INPP4B: variants seen among roughly 807,000 people sequenced by gnomAD.
INPP4B encodes inositol polyphosphate 4-phosphatase type II.
Under a neutral mutation model 122.5 loss-of-function variants are expected in INPP4B, and 55 were observed. That is an observed-to-expected ratio of 0.45 (90% confidence interval 0.36 to 0.56). The LOEUF (loss-of-function observed/expected upper bound fraction) is 0.56. Ranked by LOEUF, INPP4B falls within the 20% of genes least tolerant of loss-of-function variation. The pLI is 0.00. For synonymous variants in INPP4B, 403 were observed against 388.7 expected, an observed-to-expected ratio of 1.04 and a Z score of -0.43; for missense variants, 1,000 against 1,097.7, an observed-to-expected ratio of 0.91 and a Z score of 1.26.
chr4:142,646,795 A>G (rs1299264644), intron 2 of INPP4B, among the ~76,000 whole-genome samples: 1 of 152,250 alleles, frequency 6.6e-6, no homozygotes. Context: ...AAACCAGGAC[A>G]GAGTGCTCCA....
At chr4:142,571,588 A>G (rs756247189) in intron 2 of INPP4B, among the ~76,000 whole-genome samples, 1 of 152,174 alleles carries the variant, frequency 6.6e-6, no homozygotes, top group Admixed American at 6.6e-5. Flanking sequence ...AAATTCTTGC[A>G]TAAGCAGCAT....
chr4:142,818,987 A>G (rs1780477099), intron 1 of INPP4B, among the ~76,000 whole-genome samples: 2 of 152,144 alleles, frequency 1.3e-5, no homozygotes, highest in South Asian at 4.1e-4. Context: ...CCAGCACCAA[A>G]AGAGCAGTTG....
intron 2 of INPP4B, among the ~76,000 whole-genome samples, chr4:142,634,007 C>T (rs1431336495): frequency 6.7e-6 from 1 of 150,070 alleles, no homozygotes; most frequent in Non-Finnish European, 1.5e-5. Context: ...GCCTGACCAA[C>T]AGAGTAAGAC....
chr4:142,195,227 A>G (rs1446219709), intron 14 of INPP4B, among the ~76,000 whole-genome samples: 1 of 152,208 alleles, frequency 6.6e-6, no homozygotes, highest in Non-Finnish European at 1.5e-5. Flanking sequence ...TGAGGTTTTC[A>G]AAATAGTCAA....
intron 2 of INPP4B, among the ~76,000 whole-genome samples, chr4:142,713,444 A>C (rs1299816227): frequency 6.6e-6 from 1 of 152,238 alleles, no homozygotes; most frequent in East Asian, 1.9e-4. Flanking sequence ...GAGGAGTTCT[A>C]TTGGAATGAG....
intron 1 of INPP4B, among the ~76,000 whole-genome samples, chr4:142,754,517 T>C (rs533204466): frequency 1.6e-4 from 24 of 152,176 alleles, no homozygotes; most frequent in African/African-American, 5.8e-4. Flanking sequence ...ATCCAGTCTT[T>C]AAAAATTCTT....
At chr4:142,576,532 A>G (rs992971394) in intron 2 of INPP4B, among the ~76,000 whole-genome samples, 58 of 152,046 alleles carry the variant, frequency 3.8e-4, no homozygotes, top group African/African-American at 1.3e-3. Flanking sequence ...TCTATTGACA[A>G]TTGGAGATAA....
chr4:142,097,316 G>A (rs764820881), intron 23 of INPP4B, among the ~76,000 whole-genome samples: 13 of 150,812 alleles, frequency 8.6e-5, no homozygotes, highest in East Asian at 5.8e-4. Context: ...GTGCAATGGC[G>A]TGATCTTGGC....
intron 1 of INPP4B, among the ~76,000 whole-genome samples, chr4:142,751,760 A>C (rs2150950912): frequency 6.6e-6 from 1 of 152,208 alleles, no homozygotes; most frequent in East Asian, 1.9e-4. Context: ...GTGATGCGAT[A>C]GACACGATTC....
chr4:142,451,245 TG>T (rs1232926200), intron 3 of INPP4B, among the ~76,000 whole-genome samples: 11 of 145,996 alleles, frequency 7.5e-5, no homozygotes, highest in East Asian at 3.9e-4. Flanking sequence ...TTGTTGCTGT[TG>T]TTTTTTTTTT....
intron 17 of INPP4B, 61 bp downstream of exon 17, chr4:142,160,297 C>A: frequency 9.0e-7 from 1 of 1,106,394 alleles, no homozygotes. Context: ...GCTATCTGAT[C>A]ATTCCTACCT....
At chr4:142,730,069 C>A (rs1414964519) in intron 1 of INPP4B, among the ~76,000 whole-genome samples, 3 of 152,052 alleles carry the variant, frequency 2.0e-5, no homozygotes, top group Non-Finnish European at 4.4e-5. Context: ...CACCCTACAC[C>A]ATCTCTCCTT....
intron 2 of INPP4B, among the ~76,000 whole-genome samples, chr4:142,497,327 A>C (rs1271149820): frequency 6.6e-6 from 1 of 152,166 alleles, no homozygotes. Context: ...CAATATGATA[A>C]ATTATAGTTA....
intron 2 of INPP4B, among the ~76,000 whole-genome samples, chr4:142,487,449 T>C (rs917181528): frequency 2.0e-5 from 3 of 152,198 alleles, no homozygotes; most frequent in Admixed American, 6.6e-5. Context: ...TGTGGATTTC[T>C]ATATAAATTT....
intron 25 of INPP4B, among the ~76,000 whole-genome samples, chr4:142,033,668 ATTT>A (rs5862564): frequency 2.3e-5 from 3 of 129,490 alleles, no homozygotes; most frequent in Admixed American, 8.1e-5. Flanking sequence ...TCTCCATTTC[ATTT>A]TTTTTTTTTT....
chr4:142,629,401 T>C (rs899807959), intron 2 of INPP4B, among the ~76,000 whole-genome samples: 3 of 152,036 alleles, frequency 2.0e-5, no homozygotes, highest in Non-Finnish European at 4.4e-5. Context: ...TAAATAAGAA[T>C]GATATTAGCT....
intron 7 of INPP4B, among the ~76,000 whole-genome samples, chr4:142,350,102 C>T (rs1045305002): frequency 6.6e-6 from 1 of 151,940 alleles, no homozygotes; most frequent in Non-Finnish European, 1.5e-5. Context: ...AAGAAAATTA[C>T]CATGAGATAT....
At chr4:142,491,646 G>A (rs1257503592) in intron 2 of INPP4B, among the ~76,000 whole-genome samples, 3 of 152,102 alleles carry the variant, frequency 2.0e-5, no homozygotes, top group African/African-American at 7.2e-5. Flanking sequence ...AACAGAGTGA[G>A]ACTTCATGTC....
intron 25 of INPP4B, among the ~76,000 whole-genome samples, chr4:142,046,054 C>CT (rs941458532): frequency 2.1e-5 from 2 of 96,308 alleles, no homozygotes; most frequent in Admixed American, 1.3e-4. Context: ...CACCCTGCAA[C>CT]TTTTTTTATT....
Sources: gnomAD v4.1 joint callset for allele counts (sites outside exome capture counted in the v4.1 genomes callset) on GRCh38, gnomAD v4.1.1 for gene constraint, MANE v1.5 for transcripts, NCBI Gene and HGNC (gene_info 2026-07-23, HGNC 2026-07-21) for gene names.